Variants in MGST1 observed in about 807,000 individuals in gnomAD.
MGST1 encodes the protein glutathione S-transferase 12.
A neutral mutation model predicts 8.9 loss-of-function variants in MGST1; 5 were observed. The observed-to-expected ratio is 0.56, with a 90% CI of 0.29 to 1.19. MGST1 has a LOEUF of 1.19. MGST1 is among the 50% of genes most tolerant of loss of function. The probability of loss-of-function intolerance (pLI) is 0.08; values close to 1 mark genes in which losing one functional copy is unlikely to be tolerated. For missense variants in MGST1, 182 were observed against 187.4 expected (o/e 0.97, Z 0.17); for synonymous variants, 54 against 67.8 (o/e 0.80, Z 1.00).
chr12:16,413,824 A>G lies in MGST1; in HGVS notation n.779-23564A>G, dbSNP rs1411964881. ...TATTTAATCTTGGCATCTCCAGCATATAATTTCTGACACATTGAAGACTCT... is the reference window on the plus strand; with the variant it reads ...TATTTAATCTTGGCATCTCCAGCATGTAATTTCTGACACATTGAAGACTCT... On this transcript the variant is annotated intron_variant and non_coding_transcript_variant, in intron 1 of 1. Transcript: ENST00000359720. This position sits in a 1 kb window ranked among gnomAD's most constrained non-coding sequence, Gnocchi z 4.0. 2.0e-5 allele frequency among the ~76,000 whole-genome samples: 3 copies of G among 152,348 alleles called. No individual in the cohort carries two copies. Among genetic ancestry groups the G allele is most frequent in the Admixed American group, 2.0e-4 (3 of 15,294 alleles).
chr12:16,538,004 C>T (rs1175599529), intron 4 of MGST1, among the ~76,000 whole-genome samples: 1 of 152,210 alleles, frequency 6.6e-6, no homozygotes. Flanking sequence ...TTCTTTTCTA[C>T]TGCATCATCT....
Position 16,585,591 on chromosome 12 carries a change from G to A in MGST1, n.483-3937G>A, listed in dbSNP as rs572741910. Among the ~76,000 whole-genome samples the A allele has an allele frequency of 6.6e-6, 1 of 152,226 alleles. No homozygotes were observed. Among genetic ancestry groups the A allele is most frequent in the Admixed American group, 6.5e-5 (1 of 15,282 alleles). On this transcript the variant is annotated intron_variant and non_coding_transcript_variant, in intron 4 of 4. Coordinates refer to the MGST1 transcript ENST00000538857. The surrounding 1 kb of genome is among the most constrained non-coding windows in gnomAD (Gnocchi z 4.7). ...ACTCAGCTATCTGAGCATCTCTCAT[G>A]CATCAGGCCCTATGTTCCCACCTGT...
At chr12:16,384,445 A>G (rs1043801917) in intron 1 of MGST1, among the ~76,000 whole-genome samples, 1 of 152,176 alleles carries the variant, frequency 6.6e-6, no homozygotes, top group Non-Finnish European at 1.5e-5. Flanking sequence ...GGACAGATGC[A>G]GAGAGTGGGG....
chr12:16,401,753 C>G lies in MGST1; in HGVS notation n.778+18149C>G, dbSNP rs929858850. On this transcript the variant is annotated intron_variant and non_coding_transcript_variant, in intron 1 of 1. Transcript: ENST00000359720. This position sits in a 1 kb window ranked among gnomAD's most constrained non-coding sequence, Gnocchi z 4.3. ...CAAGGTATTTTTTCTCTTCAACGGC[C>G]TTTTCCACAGACTCAGCCAGTTTGC... is the stretch of plus-strand genomic sequence containing the variant. The G allele has an allele frequency of 2.5e-6, 4 of 1,600,214 alleles. No individual in the cohort carries two copies. The highest frequency in any genetic ancestry group is 2.7e-5 in the African/African-American group (2 of 74,736).
chr12:16,579,194 T>C (rs919633932), intron 4 of MGST1, among the ~76,000 whole-genome samples: 16 of 152,312 alleles, frequency 1.1e-4, no homozygotes, highest in African/African-American at 3.1e-4. Flanking sequence ...TTCCCTTAGA[T>C]ACACATAATT....
At chr12:16,350,197 C>A (rs2136912720) in intron 1 of MGST1, among the ~76,000 whole-genome samples, 1 of 152,284 alleles carries the variant, frequency 6.6e-6, no homozygotes, top group Middle Eastern at 3.4e-3. Context: ...GAATGCCAAT[C>A]TAGTTCCAGA....
chr12:16,479,428 GT>G (rs1227137466), intron 4 of MGST1, among the ~76,000 whole-genome samples: 4 of 151,122 alleles, frequency 2.6e-5, no homozygotes, highest in African/African-American at 9.7e-5. Context: ...TAGAGACAGG[GT>G]TTCACCGCAT....
intron 1 of MGST1, among the ~76,000 whole-genome samples, chr12:16,385,499 A>G (rs1940496813): frequency 6.6e-6 from 1 of 152,176 alleles, no homozygotes. Flanking sequence ...TATGCTTTCA[A>G]TATTTTTCTC....
intron 4 of MGST1, among the ~76,000 whole-genome samples, chr12:16,464,278 T>C (rs1474370154): frequency 2.0e-5 from 3 of 152,236 alleles, no homozygotes; most frequent in Admixed American, 6.5e-5. Flanking sequence ...TCATGTTATC[T>C]AATGCTGCAG....
intron 4 of MGST1, chr12:16,573,418 T>G (rs982117741): frequency 1.2e-4 from 18 of 152,174 alleles, no homozygotes; most frequent in African/African-American, 4.3e-4. Flanking sequence ...TTAAAAGATA[T>G]TTGAACGCGT....
At chr12:16,397,573 A>G (rs1940615502) in intron 1 of MGST1, among the ~76,000 whole-genome samples, 1 of 151,788 alleles carries the variant, frequency 6.6e-6, no homozygotes, top group Admixed American at 6.6e-5. Flanking sequence ...CTCAAACAAA[A>G]TAGCAAAAAA....
In MGST1 at chr12:16,586,344, C is replaced by T. The variant is rs1027243120; in HGVS notation, n.483-3184C>T. ...GAACAACTAAGAAACAACTAAAACACGTGCATGAATGGAGAACCACTGCAT... is the reference window on the plus strand; with the variant it reads ...GAACAACTAAGAAACAACTAAAACATGTGCATGAATGGAGAACCACTGCAT... On this transcript the variant is annotated intron_variant and non_coding_transcript_variant, in intron 4 of 4. Coordinates refer to the MGST1 transcript ENST00000538857. This position sits in a 1 kb window ranked among gnomAD's most constrained non-coding sequence, Gnocchi z 4.3. Among the ~76,000 whole-genome samples the T allele has an allele frequency of 3.3e-5, 5 of 152,156 alleles. No individual in the cohort carries two copies. Among genetic ancestry groups the T allele is most frequent in the African/African-American group, 1.2e-4 (5 of 41,436 alleles).
intron 3 of MGST1, among the ~76,000 whole-genome samples, chr12:16,371,475 C>A (rs1940292336): frequency 6.6e-6 from 1 of 152,076 alleles, no homozygotes; most frequent in Non-Finnish European, 1.5e-5. Context: ...TACCAGAAGT[C>A]AGTCAACTAT....
intron 4 of MGST1, among the ~76,000 whole-genome samples, chr12:16,572,624 A>G (rs933816112): frequency 6.7e-6 from 1 of 148,614 alleles, no homozygotes; most frequent in African/African-American, 2.4e-5. Context: ...CGTATATCCA[A>G]CTTCTAACTT....
intron 4 of MGST1, among the ~76,000 whole-genome samples, chr12:16,531,254 A>G (rs915502756): frequency 2.0e-5 from 3 of 151,508 alleles, no homozygotes; most frequent in African/African-American, 4.8e-5. Flanking sequence ...TTTCAAAACA[A>G]ATTTAACACT....
intron 4 of MGST1, among the ~76,000 whole-genome samples, chr12:16,515,635 A>G (rs1184200286): frequency 2.0e-5 from 3 of 148,578 alleles, no homozygotes; most frequent in Admixed American, 6.7e-5. Flanking sequence ...TATCTCAGAA[A>G]AAAAAAAAAA....
At chr12:16,393,004 T>C (rs1940567757) in intron 1 of MGST1, among the ~76,000 whole-genome samples, 1 of 152,166 alleles carries the variant, frequency 6.6e-6, no homozygotes, top group Non-Finnish European at 1.5e-5. Context: ...TAACCATATA[T>C]AGAAAATGCT....
At chr12:16,425,886 C>T (rs904147260) in intron 1 of MGST1, among the ~76,000 whole-genome samples, 1 of 152,236 alleles carries the variant, frequency 6.6e-6, no homozygotes, top group Admixed American at 6.5e-5. Context: ...CCTCTTCTCT[C>T]AACCCAGGGA....
At chr12:16,455,738 A>G (rs775023436) in intron 4 of MGST1, among the ~76,000 whole-genome samples, 21 of 151,886 alleles carry the variant, frequency 1.4e-4, no homozygotes, top group Non-Finnish European at 2.9e-4. Context: ...AAATCTGTAC[A>G]AGAAAGTTAC....
Sources: gnomAD v4.1 joint callset for allele counts (sites outside exome capture counted in the v4.1 genomes callset) on GRCh38, gnomAD v4.1.1 for gene constraint, Gnocchi (gnomAD v3.1) non-coding constraint, MANE v1.5 for transcripts, NCBI Gene and HGNC (gene_info 2026-07-23, HGNC 2026-07-21) for gene names.